Variants in GCNT2 observed in about 807,000 individuals in gnomAD.
GCNT2 encodes the protein N-acetyllactosaminide beta-1,6-N-acetylglucosaminyl-transferase.
A neutral mutation model predicts 34.2 loss-of-function variants in GCNT2; 34 were observed. The observed-to-expected ratio is 1.00, with a 90% CI of 0.76 to 1.32. The LOEUF (loss-of-function observed/expected upper bound fraction) is 1.32, where lower values mean the gene tolerates loss of function less well. Among genes scored for constraint, GCNT2 ranks in the 40% most tolerant of loss-of-function variants. The probability of loss-of-function intolerance (pLI) is 0.00; values close to 1 mark genes in which losing one functional copy is unlikely to be tolerated. For synonymous variants in GCNT2, 212 were observed against 188.0 expected (o/e 1.13, Z -1.04); for missense variants, 584 against 489.4 (o/e 1.19, Z -1.82).
At chr6:10,604,265 T>A (rs781753567) in intron 3 of GCNT2, among the ~76,000 whole-genome samples, 3 of 152,194 alleles carry the variant, frequency 2.0e-5, no homozygotes, top group Non-Finnish European at 4.4e-5. Context: ...TTGATCTTTG[T>A]TTTTTGTACT....
At chr6:10,605,126 C>T (rs943431509) in intron 3 of GCNT2, among the ~76,000 whole-genome samples, 2 of 150,880 alleles carry the variant, frequency 1.3e-5, no homozygotes, top group Admixed American at 6.6e-5. Context: ...GCCTGGGAGA[C>T]AGAGTGAGAT....
At position 10,621,714 on chromosome 6, in the gene GCNT2, T is replaced by G. The variant is rs1201542170; in HGVS notation, c.1018+271T>G. The G allele has an allele frequency of 1.2e-4, 50 of 402,204 alleles. No homozygotes were observed. In the Middle Eastern group the frequency reaches 3.2e-3, roughly 25 times the overall value. 24.9% of individuals were successfully genotyped at this position (402,204 alleles called of 1,614,324 possible). A position where few individuals can be genotyped will look rare whatever the true frequency, so the allele number is the denominator to read the frequency against. ...TTTTCTTCCTGCTAGTTTTCAGCTT[T>G]CTTTCTTTCTTTAGAGACAGGGTTT... On this transcript the variant is annotated intron_variant, in intron 4 of 4. Transcript: ENST00000495262.
At chr6:10,554,509 G>A (rs1762608779) in intron 3 of GCNT2, among the ~76,000 whole-genome samples, 1 of 152,274 alleles carries the variant, frequency 6.6e-6, no homozygotes, top group African/African-American at 2.4e-5. Flanking sequence ...AACAGACTCT[G>A]TTGCCCAAAT....
At chr6:10,569,897 C>T (rs187199825) in intron 3 of GCNT2, among the ~76,000 whole-genome samples, 1 of 147,076 alleles carries the variant, frequency 6.8e-6, no homozygotes, top group Non-Finnish European at 1.5e-5. Context: ...TTCTTTCTTT[C>T]CTTCCTTCCT....
chr6:10,571,092 T>A (rs1166030033), intron 3 of GCNT2, among the ~76,000 whole-genome samples: 1 of 152,168 alleles, frequency 6.6e-6, no homozygotes, highest in Non-Finnish European at 1.5e-5. Flanking sequence ...TTATACAAAT[T>A]TGGAGATTGT....
intron 3 of GCNT2, among the ~76,000 whole-genome samples, chr6:10,595,574 C>T (rs138674683): frequency 3.9e-5 from 6 of 152,084 alleles, no homozygotes; most frequent in Admixed American, 1.3e-4. Flanking sequence ...TCTGCCCGGC[C>T]GGTTGGTTGG....
chr6:10,556,554 T>G lies in GCNT2; in HGVS notation c.925+26718T>G, dbSNP rs776755995. The G allele has an allele frequency of 2.5e-6, 4 of 1,614,220 alleles. No homozygotes were observed. The East Asian group carries it at 8.9e-5, about 36-fold the overall frequency. The stretch of plus-strand genomic sequence containing the variant: ...CTAAATATCTCAGACCCTTTGAGGC[T>G]GACTCAAGTTTGCACATCTTTTATC... On this transcript the variant is annotated intron_variant, in intron 3 of 4. Transcript: ENST00000495262.
chr6:10,601,318 A>G (rs1765078451), intron 3 of GCNT2, among the ~76,000 whole-genome samples: 1 of 152,202 alleles, frequency 6.6e-6, no homozygotes, highest in African/African-American at 2.4e-5. Context: ...TGATTTTTCA[A>G]TATCAGTGAT....
At chr6:10,592,915 A>G (rs142795691) in intron 3 of GCNT2, among the ~76,000 whole-genome samples, 6 of 151,740 alleles carry the variant, frequency 4.0e-5, no homozygotes, top group African/African-American at 7.3e-5. Flanking sequence ...TAATTTTTTC[A>G]TATTTTTAGT....
chr6:10,528,042 G>T (rs1246707535), intron 2 of GCNT2, among the ~76,000 whole-genome samples: 1 of 152,150 alleles, frequency 6.6e-6, no homozygotes, highest in Non-Finnish European at 1.5e-5. Flanking sequence ...ATGTTAGCCT[G>T]TATGCAATTT....
At chr6:10,582,302 T>C (rs1217325707) in intron 3 of GCNT2, among the ~76,000 whole-genome samples, 1 of 116,430 alleles carries the variant, frequency 8.6e-6, no homozygotes, top group Non-Finnish European at 1.6e-5. Context: ...TTACTATATA[T>C]TTAATATATA....
chr6:10,537,713 A>AC (rs1561784226), intron 3 of GCNT2, among the ~76,000 whole-genome samples: 2 of 143,824 alleles, frequency 1.4e-5, no homozygotes, highest in South Asian at 2.3e-4. Flanking sequence ...AAAAAAAAAA[A>AC]AAAAAAAAAA....
intron 3 of GCNT2, among the ~76,000 whole-genome samples, chr6:10,592,137 G>A (rs772808079): frequency 2.6e-5 from 4 of 151,118 alleles, no homozygotes; most frequent in African/African-American, 7.3e-5. Context: ...CGCTACTTGG[G>A]GGGGCTGGAG....
chr6:10,611,028 A>G (rs922961630), intron 3 of GCNT2, among the ~76,000 whole-genome samples: 10 of 152,238 alleles, frequency 6.6e-5, no homozygotes, highest in Admixed American at 3.9e-4. Context: ...CTCAGGGACT[A>G]CAAAACTAGA....
At chr6:10,623,872 C>T (rs777660989) in intron 4 of GCNT2, among the ~76,000 whole-genome samples, 95 of 152,282 alleles carry the variant, frequency 6.2e-4, no homozygotes, top group Non-Finnish European at 7.3e-4. Flanking sequence ...GAGCTTCCTT[C>T]TGAGGACTCC....
At chr6:10,555,672 C>T (rs1762665441) in intron 3 of GCNT2, 4 of 908,768 alleles carry the variant, frequency 4.4e-6, no homozygotes, top group South Asian at 5.1e-5. Context: ...GAGCCCAAGG[C>T]GCCCCAGCAA....
chr6:10,592,331 C>A (rs531388573), intron 3 of GCNT2, among the ~76,000 whole-genome samples: 1 of 152,118 alleles, frequency 6.6e-6, no homozygotes, highest in East Asian at 1.9e-4. Context: ...CAAAATATTG[C>A]GTTAGTGATG....
At chr6:10,601,433 G>A (rs9460922) in intron 3 of GCNT2, among the ~76,000 whole-genome samples, 2 of 152,022 alleles carry the variant, frequency 1.3e-5, no homozygotes, top group Admixed American at 1.3e-4. Flanking sequence ...ACTCATAAAA[G>A]TTGCCATCAA....
At chr6:10,536,365 T>G (rs903903983) in intron 3 of GCNT2, among the ~76,000 whole-genome samples, 3 of 149,096 alleles carry the variant, frequency 2.0e-5, no homozygotes, top group South Asian at 2.1e-4. Context: ...AACTTCTTCT[T>G]TTTTTTTTTT....
Sources: allele counts gnomAD v4.1 joint callset (sites outside exome capture counted in the v4.1 genomes callset), GRCh38; gene constraint gnomAD v4.1.1; transcripts MANE v1.5; gene names NCBI Gene and HGNC (gene_info 2026-07-23, HGNC 2026-07-21).